Variants in DOCK8 observed in about 807,000 individuals in gnomAD.
DOCK8 encodes the protein dedicator of cytokinesis protein 8.
Under a neutral mutation model 245.6 loss-of-function variants are expected in DOCK8, and 141 were observed. The ratio of observed to expected loss-of-function variants is 0.57; its 90% CI spans 0.50 to 0.66. DOCK8 has a LOEUF of 0.66. DOCK8 is among the 30% of genes least tolerant of loss of function. The probability of loss-of-function intolerance (pLI) is 0.00; values close to 1 mark genes in which losing one functional copy is unlikely to be tolerated. For missense variants in DOCK8, 2,965 were observed against 2,603.4 expected (o/e 1.14, Z -3.02); for synonymous variants, 1,168 against 970.2 (o/e 1.20, Z -3.79).
chr9:459,023 A>G (rs2057726788), intron 46 of DOCK8, among the ~76,000 whole-genome samples: 2 of 152,198 alleles, frequency 1.3e-5, no homozygotes, highest in Non-Finnish European at 2.9e-5. Context: ...CCCCAGGCAT[A>G]TTTGTTCTAA....
Position 262,739 on chromosome 9 carries a change from ACGTAT to A in DOCK8, c.54-8887_54-8883del, listed in dbSNP as rs566691855. Among the ~76,000 whole-genome samples the A allele has an allele frequency of 1.7e-3, 257 of 152,248 alleles. 1 individual carries two copies. The highest frequency in any genetic ancestry group is 3.5e-3 in the Admixed American group (54 of 15,294). ...TGTAGTAATGGTCTCATGGGTCTAT[ACGTAT>A]GTCAAAGCTTATCTAATTGTATACT... is the stretch of plus-strand genomic sequence containing the variant. On this transcript the variant is annotated intron_variant, in intron 1 of 47. Coordinates refer to ENST00000432829, the MANE Select transcript of DOCK8 (RefSeq NM_203447.4).
chr9:310,515 G>A (rs991338705), intron 5 of DOCK8, among the ~76,000 whole-genome samples: 11 of 152,172 alleles, frequency 7.2e-5, no homozygotes, highest in African/African-American at 2.7e-4. Flanking sequence ...CTGGAGTACA[G>A]TGGCACCATC....
intron 35 of DOCK8, among the ~76,000 whole-genome samples, chr9:429,181 G>A (rs1323042680): frequency 6.6e-6 from 1 of 152,120 alleles, no homozygotes; most frequent in African/African-American, 2.4e-5. Flanking sequence ...TGGCCAGGCT[G>A]GTCTTGAACT....
At chr9:217,787 C>T (rs2046793350) in intron 1 of DOCK8, among the ~76,000 whole-genome samples, 1 of 152,152 alleles carries the variant, frequency 6.6e-6, no homozygotes, top group Non-Finnish European at 1.5e-5. Context: ...CTATCAAACT[C>T]ATGAAGTCTT....
chr9:279,434 G>A (rs999172922), intron 2 of DOCK8, among the ~76,000 whole-genome samples: 1 of 152,172 alleles, frequency 6.6e-6, no homozygotes, highest in South Asian at 2.1e-4. Flanking sequence ...TGCAGATTGA[G>A]AAGAGATTTA....
At chr9:317,021 C>G (rs776511363) in intron 6 of DOCK8, 22 bp from the exon 7 acceptor site, 2 of 1,591,410 alleles carry the variant, frequency 1.3e-6, no homozygotes, top group Non-Finnish European at 8.6e-7. Context: ...TAATGATTTC[C>G]TTACGATGTG....
chr9:272,131 C>T (rs2048180586), intron 2 of DOCK8, among the ~76,000 whole-genome samples: 1 of 152,152 alleles, frequency 6.6e-6, no homozygotes, highest in South Asian at 2.1e-4. Context: ...AAATAATTTT[C>T]TTGCTAGTAT....
intron 44 of DOCK8, among the ~76,000 whole-genome samples, chr9:448,628 G>A (rs1213131831): frequency 6.6e-6 from 1 of 152,154 alleles, no homozygotes; most frequent in African/African-American, 2.4e-5. Flanking sequence ...CTCTCTCCCT[G>A]ACCTGTGGAC....
At chr9:373,027 C>T (rs1240256259) in intron 18 of DOCK8, among the ~76,000 whole-genome samples, 3 of 152,070 alleles carry the variant, frequency 2.0e-5, no homozygotes, top group East Asian at 1.9e-4. Flanking sequence ...ATTAGCCGGG[C>T]GTGGTGGCGG....
At chr9:322,817 G>T (rs1446990908) in intron 7 of DOCK8, among the ~76,000 whole-genome samples, 1 of 152,144 alleles carries the variant, frequency 6.6e-6, no homozygotes, top group Non-Finnish European at 1.5e-5. Context: ...AATTGGCCTG[G>T]TGCAGTGGCT....
intron 1 of DOCK8, among the ~76,000 whole-genome samples, chr9:238,191 A>C (rs2131400994): frequency 1.3e-5 from 2 of 152,338 alleles, no homozygotes; most frequent in South Asian, 4.1e-4. Context: ...AACAGAAAGC[A>C]GGGCAGACCT....
intron 28 of DOCK8, among the ~76,000 whole-genome samples, chr9:413,210 A>C (rs765835668): frequency 4.3e-4 from 66 of 152,332 alleles, no homozygotes; most frequent in Non-Finnish European, 5.9e-4. Flanking sequence ...ATCCACACTC[A>C]AAAGAATGAA....
intron 1 of DOCK8, among the ~76,000 whole-genome samples, chr9:227,235 A>G (rs2047010599): frequency 6.6e-6 from 1 of 152,244 alleles, no homozygotes; most frequent in African/African-American, 2.4e-5. Flanking sequence ...TGGGATAAGG[A>G]TGATGCCAAT....
chr9:462,962 C>T (rs1290296897), intron 46 of DOCK8, among the ~76,000 whole-genome samples: 1 of 152,182 alleles, frequency 6.6e-6, no homozygotes, highest in African/African-American at 2.4e-5. Flanking sequence ...TAAATGCTGA[C>T]TTTTTAGGGT....
intron 11 of DOCK8, among the ~76,000 whole-genome samples, chr9:335,071 G>C (rs1304333884): frequency 6.6e-6 from 1 of 151,924 alleles, no homozygotes; most frequent in Non-Finnish European, 1.5e-5. Flanking sequence ...AACAGAGCAT[G>C]ACTTTGTCTC....
At chr9:297,973 T>C (rs145150556) in intron 4 of DOCK8, among the ~76,000 whole-genome samples, 185 of 152,320 alleles carry the variant, frequency 1.2e-3, no homozygotes, top group African/African-American at 4.3e-3. Context: ...TAATGCCTAT[T>C]TGTCATTGAC....
intron 28 of DOCK8, among the ~76,000 whole-genome samples, chr9:410,394 AT>A (rs1299456226): frequency 6.6e-6 from 1 of 150,852 alleles, no homozygotes; most frequent in Non-Finnish European, 1.5e-5. Context: ...GTCAGTATTC[AT>A]TTTTTTTCAA....
At chr9:305,040 T>C (rs2049752296) in intron 5 of DOCK8, among the ~76,000 whole-genome samples, 1 of 152,198 alleles carries the variant, frequency 6.6e-6, no homozygotes. Context: ...AGCTCTATGC[T>C]GAGGCCAGAA....
At chr9:452,292 C>A (rs1043406412) in intron 46 of DOCK8, among the ~76,000 whole-genome samples, 175 bp downstream of exon 46, 1 of 152,034 alleles carries the variant, frequency 6.6e-6, no homozygotes, top group Admixed American at 6.6e-5. Flanking sequence ...GCAGTTTAAC[C>A]CGCCCTCCAG....
Sources: gnomAD v4.1 joint callset for allele counts (sites outside exome capture counted in the v4.1 genomes callset) on GRCh38, gnomAD v4.1.1 for gene constraint, MANE v1.5 for transcripts, NCBI Gene and HGNC (gene_info 2026-07-23, HGNC 2026-07-21) for gene names.